Variants in MCF2L2 observed in about 807,000 individuals in gnomAD.
MCF2L2 encodes the protein MCF.2 cell line derived transforming sequence-like 2.
MCF2L2 carries 102 observed loss-of-function variants against 150.2 expected under a neutral mutation model. That is an observed-to-expected ratio of 0.68 (90% CI 0.58 to 0.80). The LOEUF (loss-of-function observed/expected upper bound fraction) is 0.80. MCF2L2 is among the 30% of genes least tolerant of loss of function. The probability of loss-of-function intolerance (pLI) is 0.00; values close to 1 mark genes in which losing one functional copy is unlikely to be tolerated. For missense variants in MCF2L2, 1,256 were observed against 1,372.8 expected (o/e 0.91, Z 1.34); for synonymous variants, 465 against 491.3 (o/e 0.95, Z 0.71).
At chr3:183,247,187 T>C (rs1208727936) in intron 15 of MCF2L2, among the ~76,000 whole-genome samples, 5 of 152,220 alleles carry the variant, frequency 3.3e-5, no homozygotes, top group Non-Finnish European at 7.3e-5. Context: ...TCAAACTGCC[T>C]GCAAGTTTTA....
At chr3:183,230,821 T>C (rs540429616) in intron 16 of MCF2L2, 130 bp downstream of exon 16, 16 of 646,614 alleles carry the variant, frequency 2.5e-5, no homozygotes, top group African/African-American at 2.0e-4. Context: ...GAGACACTTG[T>C]AATATTCTAA....
intron 2 of MCF2L2, among the ~76,000 whole-genome samples, chr3:183,384,535 G>GCC (rs35360953): frequency 1.3e-5 from 2 of 151,900 alleles, no homozygotes; most frequent in African/African-American, 4.8e-5. Context: ...CTGATCTGTG[G>GCC]CCCCCCGCCC....
chr3:183,376,453 A>C (rs988862785), intron 3 of MCF2L2: 4 of 152,218 alleles, frequency 2.6e-5, no homozygotes, highest in Non-Finnish European at 5.9e-5. Flanking sequence ...CTCCCACAGA[A>C]GTTGCTAAAC....
At chr3:183,259,027 A>G (rs1431220433) in intron 15 of MCF2L2, among the ~76,000 whole-genome samples, 1 of 152,202 alleles carries the variant, frequency 6.6e-6, no homozygotes, top group Non-Finnish European at 1.5e-5. Context: ...CACGACCATA[A>G]ATTTTTTTTT....
chr3:183,180,106 C>A lies in MCF2L2; in HGVS notation c.3070G>T (p.Ala1024Ser). 6.2e-7 allele frequency: 1 copy of A among 1,614,002 alleles called. No homozygotes were observed. The highest frequency in any genetic ancestry group is 8.5e-7 in the Non-Finnish European group (1 of 1,179,896). Residue 1024 changes from alanine (A) to serine (S), a missense_variant, in exon 28 of 30, where the codon GCA (alanine) becomes TCA (serine). By Grantham distance (99) the Ala-to-Ser change is moderately conservative (BLOSUM62 1). Transcript: ENST00000328913. ...CTGCTCTCCTTTTCCATGTCTTCTG[C>A]GCCTTCACAGTCTTCAAAGGTGTCC... ...SMDTFEDCEGAEDMEKESSAL... is the reference protein window; with the variant it reads ...SMDTFEDCEGSEDMEKESSAL...
chr3:183,337,095 A>C (rs1359604547), intron 5 of MCF2L2, among the ~76,000 whole-genome samples: 1 of 152,182 alleles, frequency 6.6e-6, no homozygotes, highest in Non-Finnish European at 1.5e-5. Context: ...TGTTGAACGC[A>C]TCAGTACTTC....
rs541337562 is a variant in MCF2L2, at chr3:183,262,122, A to C, written c.1862+14750T>G. 3.1e-4 allele frequency among the ~76,000 whole-genome samples: 46 copies of C among 147,696 alleles called. 1 individual carries two copies. Among genetic ancestry groups the C allele is most frequent in the East Asian group, 2.2e-3 (11 of 5,094 alleles). ...TCATAATACTAATACAAGGATTAGT[A>C]TCGTTTTATGATACTTTATTATATA... is the stretch of plus-strand genomic sequence containing the variant. On this transcript the variant is annotated intron_variant, in intron 15 of 29. Transcript: ENST00000328913.
intron 14 of MCF2L2, among the ~76,000 whole-genome samples, chr3:183,278,558 T>C (rs1226833915): frequency 6.6e-6 from 1 of 152,230 alleles, no homozygotes; most frequent in African/African-American, 2.4e-5. Flanking sequence ...GACATTACTA[T>C]GCCTGAATTC....
chr3:183,267,844 A>G lies in MCF2L2; in HGVS notation c.1862+9028T>C, dbSNP rs992418593. Reference sequence around the variant, plus strand: ...CACCTGGCTAGGGTCCTGACCTCCAATCCTTCCCCAGTAACCATCACTTTG... The same window carrying G: ...CACCTGGCTAGGGTCCTGACCTCCAGTCCTTCCCCAGTAACCATCACTTTG... On this transcript the variant is annotated intron_variant, in intron 15 of 29. Transcript: ENST00000328913. This position sits in a 1 kb window ranked among gnomAD's most constrained non-coding sequence, Gnocchi z 5.5. 2.6e-5 allele frequency among the ~76,000 whole-genome samples: 4 copies of G among 152,208 alleles called. No individual in the cohort carries two copies. Among genetic ancestry groups the G allele is most frequent in the Admixed American group, 1.3e-4 (2 of 15,296 alleles).
At chr3:183,312,716 G>A (rs1463526191) in intron 7 of MCF2L2, among the ~76,000 whole-genome samples, 1 of 152,178 alleles carries the variant, frequency 6.6e-6, no homozygotes, top group East Asian at 1.9e-4. Flanking sequence ...AAGAGTTTTA[G>A]ACCTCCCCAC....
intron 1 of MCF2L2, among the ~76,000 whole-genome samples, chr3:183,421,647 C>T (rs1362211302): frequency 1.3e-5 from 2 of 152,158 alleles, no homozygotes; most frequent in East Asian, 3.8e-4. Flanking sequence ...TGGGCTTTCT[C>T]ACAGGCAGTT....
chr3:183,190,947 G>A (rs1721865793), intron 27 of MCF2L2, among the ~76,000 whole-genome samples: 2 of 152,116 alleles, frequency 1.3e-5, no homozygotes, highest in African/African-American at 2.4e-5. Flanking sequence ...GTGCAATGGC[G>A]CGATCTTGAC....
intron 13 of MCF2L2, 91 bp downstream of exon 13, chr3:183,295,209 G>A (rs551439004): frequency 2.3e-5 from 31 of 1,320,934 alleles, no homozygotes; most frequent in East Asian, 1.4e-4. Context: ...TTAAAACAGC[G>A]ACCATTATCC....
intron 1 of MCF2L2, among the ~76,000 whole-genome samples, chr3:183,398,763 A>G (rs1714594348): frequency 6.6e-6 from 1 of 152,192 alleles, no homozygotes; most frequent in Non-Finnish European, 1.5e-5. Context: ...TCATGAATAT[A>G]ACGTGGCAGT....
chr3:183,200,039 G>C (rs1319133058), intron 25 of MCF2L2, among the ~76,000 whole-genome samples: 2 of 152,086 alleles, frequency 1.3e-5, no homozygotes, highest in Non-Finnish European at 2.9e-5. Context: ...TGGACATTTG[G>C]GTTGGTTCCA....
At chr3:183,239,554 C>A (rs922072082) in intron 15 of MCF2L2, among the ~76,000 whole-genome samples, 1 of 152,136 alleles carries the variant, frequency 6.6e-6, no homozygotes, top group African/African-American at 2.4e-5. Context: ...CTCTGCTCCC[C>A]CTTTGAACTA....
chr3:183,313,730 T>C (rs1248048401), intron 7 of MCF2L2, among the ~76,000 whole-genome samples: 1 of 152,232 alleles, frequency 6.6e-6, no homozygotes, highest in African/African-American at 2.4e-5. Flanking sequence ...GGGCACTATC[T>C]TCCAGAACAT....
intron 27 of MCF2L2, among the ~76,000 whole-genome samples, chr3:183,188,946 C>T (rs905316734): frequency 1.3e-5 from 2 of 151,368 alleles, no homozygotes; most frequent in African/African-American, 2.4e-5. Flanking sequence ...CCAGCCTGAG[C>T]GACAAGTGTG....
At chr3:183,391,816 C>T (rs999160766) in intron 1 of MCF2L2, among the ~76,000 whole-genome samples, 1 of 152,182 alleles carries the variant, frequency 6.6e-6, no homozygotes, top group African/African-American at 2.4e-5. Flanking sequence ...AGTACAATCT[C>T]CCAGTGGTCT....
Sources: gnomAD v4.1 joint callset for allele counts (sites outside exome capture counted in the v4.1 genomes callset) on GRCh38, gnomAD v4.1.1 for gene constraint, Gnocchi (gnomAD v3.1) non-coding constraint, MANE v1.5 for transcripts, NCBI Gene and HGNC (gene_info 2026-07-23, HGNC 2026-07-21) for gene names.